The following TCF12 variants were observed in gnomAD, a reference collection of about 807,000 sequenced individuals.
TCF12 encodes the protein DNA-binding protein HTF4.
Under a neutral mutation model 86.0 loss-of-function variants are expected in TCF12, and 45 were observed. The ratio of observed to expected loss-of-function variants is 0.52; its 90% CI spans 0.41 to 0.67. The LOEUF is 0.67. Ranked by LOEUF, TCF12 falls within the 30% of genes least tolerant of loss-of-function variation. TCF12 has a pLI of 0.00. For missense variants in TCF12, 881 were observed against 859.9 expected (o/e 1.02, Z -0.31); for synonymous variants, 330 against 299.6 (o/e 1.10, Z -1.05).
chr15:57,219,498 A>G (rs200527251), intron 8 of TCF12: 16 of 1,608,674 alleles, frequency 9.9e-6, no homozygotes, highest in Non-Finnish European at 1.4e-5. Context: ...ATTAGCTACA[A>G]ATAGTAACAT....
chr15:57,146,806 G>A (rs778678800), intron 5 of TCF12, among the ~76,000 whole-genome samples: 3 of 152,026 alleles, frequency 2.0e-5, no homozygotes, highest in Non-Finnish European at 4.4e-5. Flanking sequence ...ATTGTATTTG[G>A]CGTGAAATTG....
chr15:57,247,415 C>T (rs2151989497), intron 13 of TCF12: 2 of 687,594 alleles, frequency 2.9e-6, no homozygotes, highest in South Asian at 1.5e-5. Flanking sequence ...TGACCTCTGT[C>T]ATCCAGCAGA....
chr15:57,088,894 T>G (rs1471305569), intron 4 of TCF12, among the ~76,000 whole-genome samples: 17 of 152,196 alleles, frequency 1.1e-4, no homozygotes. Flanking sequence ...CAACTGATTT[T>G]AAACATATGA....
intron 3 of TCF12, among the ~76,000 whole-genome samples, chr15:57,044,710 AT>A (rs138418627): frequency 0.031 from 4,639 of 148,878 alleles, 186 homozygotes; most frequent in African/African-American, 0.092. Context: ...TTTTCAGGTA[AT>A]TTTTTTTTTA....
At position 57,289,622 on chromosome 15, in the gene TCF12, T is replaced by TGC. The variant is rs1342245404; in HGVS notation, c.*3478_*3479insCG. 1.3e-5 allele frequency: 2 copies of TGC among 151,980 alleles called. No individual in the cohort carries two copies. The highest frequency in any genetic ancestry group is 4.8e-5 in the African/African-American group (2 of 41,454). The allele number at this position is 151,980 out of a possible 1,614,324, so 9.4% of individuals were successfully genotyped here. On this transcript the variant is annotated 3_prime_UTR_variant, in exon 21 of 21. Transcript: ENST00000333725. ...CACGTCGTGTGTGTGTGTGTGTGTG[T>TGC]GTCTGTGTGTGTGTGACTTAAAGAA...
In TCF12 at chr15:57,154,235, G is replaced by T. The variant is rs560132662; in HGVS notation, c.326-12167G>T. On this transcript the variant is annotated intron_variant, in intron 5 of 20. Coordinates refer to ENST00000333725, the MANE Select transcript of TCF12 (RefSeq NM_207037.2). ...ACATAATTTTAAGAATAGGGTCTTC[G>T]CTAGATGAAAACATTTAAATAGTGA... Among the ~76,000 whole-genome samples, 8 of 152,154 alleles carry T rather than the reference G, an allele frequency of 5.3e-5. No homozygotes were observed. In the South Asian group the frequency reaches 1.7e-3, roughly 32 times the overall value.
At chr15:57,236,533 T>C (rs1403416549) in intron 12 of TCF12, among the ~76,000 whole-genome samples, 1 of 152,208 alleles carries the variant, frequency 6.6e-6, no homozygotes, top group Non-Finnish European at 1.5e-5. Flanking sequence ...AGAAACACTA[T>C]GCTATTGTCA....
At chr15:57,278,300 T>C (rs1256039452) in intron 19 of TCF12, among the ~76,000 whole-genome samples, 1 of 152,106 alleles carries the variant, frequency 6.6e-6, no homozygotes, top group South Asian at 2.1e-4. Context: ...AACTAGTCCA[T>C]TGAAAATTGA....
chr15:57,033,553 G>T (rs1164757694), intron 3 of TCF12, among the ~76,000 whole-genome samples: 2 of 151,872 alleles, frequency 1.3e-5, no homozygotes, highest in Non-Finnish European at 2.9e-5. Context: ...TTTTTTTTTA[G>T]AGCAATTCTT....
At chr15:57,277,606 C>T (rs577064262) in intron 19 of TCF12, among the ~76,000 whole-genome samples, 29 of 137,678 alleles carry the variant, frequency 2.1e-4, no homozygotes, top group Admixed American at 1.1e-3. Flanking sequence ...TCCAGCCTGG[C>T]GACAGAGTGA....
intron 4 of TCF12, 116 bp from the exon 5 acceptor site, chr15:57,091,673 C>T (rs1567404219): frequency 8.9e-6 from 5 of 560,882 alleles, no homozygotes; most frequent in Non-Finnish European, 1.5e-5. Context: ...GAACAAGAAA[C>T]TTGGTCAGAA....
chr15:57,265,930 A>C (rs975066689), intron 18 of TCF12, among the ~76,000 whole-genome samples: 2 of 152,184 alleles, frequency 1.3e-5, no homozygotes, highest in Non-Finnish European at 2.9e-5. Context: ...TAATAAGACC[A>C]CTGTCATGTA....
At chr15:56,993,003 C>T (rs1006349073) in intron 3 of TCF12, among the ~76,000 whole-genome samples, 4 of 152,122 alleles carry the variant, frequency 2.6e-5, no homozygotes, top group Admixed American at 6.6e-5. Context: ...GGATGGAACT[C>T]TTCTGGACTC....
At chr15:57,169,815 G>T (rs1349737905) in intron 6 of TCF12, among the ~76,000 whole-genome samples, 10 of 152,040 alleles carry the variant, frequency 6.6e-5, no homozygotes, top group African/African-American at 2.4e-4. Context: ...TACCCTCTTG[G>T]CAAAGGTATT....
intron 6 of TCF12, among the ~76,000 whole-genome samples, chr15:57,183,414 T>G (rs1338657098): frequency 6.6e-6 from 1 of 152,210 alleles, no homozygotes; most frequent in East Asian, 1.9e-4. Flanking sequence ...CTTGAATCTG[T>G]CACACCCTCT....
At chr15:56,967,365 A>G (rs1220724984) in intron 3 of TCF12, among the ~76,000 whole-genome samples, 16 of 152,106 alleles carry the variant, frequency 1.1e-4, no homozygotes, top group South Asian at 2.1e-4. Context: ...GGATTCGCCA[A>G]TTGAGAAATA....
intron 13 of TCF12, among the ~76,000 whole-genome samples, chr15:57,243,966 A>G (rs1443105551): frequency 6.6e-6 from 1 of 151,854 alleles, no homozygotes; most frequent in African/African-American, 2.4e-5. Context: ...GCAGCCTCCA[A>G]CTCCTGGGCT....
intron 5 of TCF12, among the ~76,000 whole-genome samples, chr15:57,154,221 A>T (rs1310220830): frequency 1.3e-5 from 2 of 152,180 alleles, no homozygotes; most frequent in Non-Finnish European, 2.9e-5. Context: ...CATAATTTTA[A>T]GAATAGGGTC....
chr15:57,258,598 A>G (rs1285977263), intron 16 of TCF12, among the ~76,000 whole-genome samples: 1 of 152,208 alleles, frequency 6.6e-6, no homozygotes, highest in African/African-American at 2.4e-5. Flanking sequence ...ATTCATTGTT[A>G]TAAGTCCTGA....
Sources: allele counts gnomAD v4.1 joint callset (sites outside exome capture counted in the v4.1 genomes callset), GRCh38; gene constraint gnomAD v4.1.1; transcripts MANE v1.5; gene names NCBI Gene and HGNC (gene_info 2026-07-23, HGNC 2026-07-21).